The following DAB1 variants were observed in gnomAD, a reference collection of about 807,000 sequenced individuals.
DAB1 encodes the protein disabled homolog 1.
Under a neutral mutation model 64.6 loss-of-function variants are expected in DAB1, and 15 were observed. The observed-to-expected ratio is 0.23, with a 90% CI of 0.16 to 0.36. The LOEUF (loss-of-function observed/expected upper bound fraction) is 0.36, where lower values mean the gene tolerates loss of function less well. Among genes scored for constraint, DAB1 ranks in the 10% least tolerant of loss-of-function variants. The pLI is 1.00. For synonymous variants in DAB1, 235 were observed against 251.9 expected, an observed-to-expected ratio of 0.93 and a Z score of 0.64; for missense variants, 596 against 706.7, an observed-to-expected ratio of 0.84 and a Z score of 1.78.
At chr1:57,892,469 G>T (rs190850022) in intron 5 of DAB1, among the ~76,000 whole-genome samples, 1 of 152,292 alleles carries the variant, frequency 6.6e-6, no homozygotes. Context: ...ACAACCCCAT[G>T]ACATAGGTCA....
At chr1:57,156,591 G>A (rs945484380) in intron 2 of DAB1, among the ~76,000 whole-genome samples, 1 of 152,130 alleles carries the variant, frequency 6.6e-6, no homozygotes. Flanking sequence ...AGGCATCTAA[G>A]GGGTTATTAA....
In DAB1 at chr1:57,389,581, T is replaced by A. The variant is rs1646766; in HGVS notation, c.-137+34349A>T. ...CCTATTGGCCTTTATCCTATTATCCTAACATCCTTCTGGGTCCAACTCAAC... is the reference window on the plus strand; with the variant it reads ...CCTATTGGCCTTTATCCTATTATCCAAACATCCTTCTGGGTCCAACTCAAC... On this transcript the variant is annotated intron_variant, in intron 1 of 14. Coordinates refer to ENST00000371236, the MANE Select transcript of DAB1 (RefSeq NM_001365792.1). Among the ~76,000 whole-genome samples, 1,192 of 152,268 alleles carry A rather than the reference T, an allele frequency of 7.8e-3. 18 individuals are homozygous for A. The highest frequency in any genetic ancestry group is 0.026 in the African/African-American group (1,096 of 41,534).
chr1:57,732,210 G>A (rs1045683856), intron 6 of DAB1, among the ~76,000 whole-genome samples: 1 of 152,202 alleles, frequency 6.6e-6, no homozygotes, highest in Non-Finnish European at 1.5e-5. Context: ...TTAGTTTTTG[G>A]CCCTCCATGG....
In DAB1 at chr1:57,385,314, T is replaced by C. The variant is rs150904382; in HGVS notation, c.-137+38616A>G. Among the ~76,000 whole-genome samples the C allele has an allele frequency of 3.5e-3, 534 of 152,388 alleles. 1 individual carries two copies. The highest frequency in any genetic ancestry group is 0.01 in the African/African-American group (425 of 41,592). ...TTCTTGAATTTGTATTAGCTCCTTTTACTGCTTCAGAATCTCAGAGAACTT... is the reference window on the plus strand; with the variant it reads ...TTCTTGAATTTGTATTAGCTCCTTTCACTGCTTCAGAATCTCAGAGAACTT... On this transcript the variant is annotated intron_variant, in intron 1 of 14. Coordinates refer to ENST00000371236, the MANE Select transcript of DAB1 (RefSeq NM_001365792.1).
intron 14 of DAB1, among the ~76,000 whole-genome samples, chr1:57,004,312 G>T (rs180725610): frequency 6.6e-6 from 1 of 152,206 alleles, no homozygotes; most frequent in Non-Finnish European, 1.5e-5. Flanking sequence ...CCTAAATTGT[G>T]CTGATTACTT....
chr1:57,193,391 T>TTTTTG (rs1664329185), intron 2 of DAB1, among the ~76,000 whole-genome samples: 1 of 134,688 alleles, frequency 7.4e-6, no homozygotes, highest in Non-Finnish European at 1.6e-5. Context: ...GTTTTTTTTT[T>TTTTTG]TTTTTTTTTT....
At chr1:57,228,565 C>A (rs1247053763) in intron 2 of DAB1, among the ~76,000 whole-genome samples, 1 of 152,086 alleles carries the variant, frequency 6.6e-6, no homozygotes. Flanking sequence ...AAATGTGTGA[C>A]AATACTAAAT....
At chr1:58,236,626 A>C (rs1167193869) in intron 4 of DAB1, among the ~76,000 whole-genome samples, 5 of 152,238 alleles carry the variant, frequency 3.3e-5, no homozygotes, top group African/African-American at 1.2e-4. Context: ...TTTGTTATTC[A>C]TAATTCACTT....
At chr1:57,896,236 C>T (rs1644389671) in intron 5 of DAB1, among the ~76,000 whole-genome samples, 1 of 152,128 alleles carries the variant, frequency 6.6e-6, no homozygotes. Context: ...TGCAGTATCA[C>T]TATCGTGTAC....
intron 3 of DAB1, among the ~76,000 whole-genome samples, chr1:58,465,547 A>C (rs338250): frequency 0.87 from 132,772 of 152,216 alleles, 58,638 homozygotes; most frequent in African/African-American, 0.94. Context: ...GCCTCAGGGT[A>C]AGGAGCAGCT....
At chr1:57,036,642 T>A (rs1285201371) in intron 9 of DAB1, among the ~76,000 whole-genome samples, 2 of 152,202 alleles carry the variant, frequency 1.3e-5, no homozygotes, top group African/African-American at 4.8e-5. Flanking sequence ...TTCTTACAGA[T>A]TTTTTTCATA....
At chr1:58,379,524 CAA>C (rs1387104379) in intron 3 of DAB1, among the ~76,000 whole-genome samples, 3 of 152,280 alleles carry the variant, frequency 2.0e-5, no homozygotes, top group Admixed American at 2.0e-4. Flanking sequence ...AACAAAAATT[CAA>C]AGTTAACATT....
At chr1:58,372,706 A>T (rs1271592813) in intron 3 of DAB1, among the ~76,000 whole-genome samples, 1 of 152,162 alleles carries the variant, frequency 6.6e-6, no homozygotes, top group Admixed American at 6.6e-5. Context: ...GGGTGATTGC[A>T]TCATGAGGGT....
intron 5 of DAB1, among the ~76,000 whole-genome samples, chr1:57,924,619 T>C (rs1330737124): frequency 7.2e-6 from 1 of 139,102 alleles, no homozygotes; most frequent in African/African-American, 2.6e-5. Context: ...ACCACCACAC[T>C]TGGCTAATTT....
intron 5 of DAB1, among the ~76,000 whole-genome samples, chr1:58,014,138 G>C (rs1646706917): frequency 6.6e-6 from 1 of 152,134 alleles, no homozygotes; most frequent in African/African-American, 2.4e-5. Context: ...AGAGAAATTA[G>C]TAACTTGCTG....
intron 3 of DAB1, among the ~76,000 whole-genome samples, chr1:58,443,053 C>T (rs1225688798): frequency 6.6e-6 from 1 of 152,168 alleles, no homozygotes; most frequent in Non-Finnish European, 1.5e-5. Flanking sequence ...TTTGAAGTCA[C>T]TTCTAGATTT....
intron 5 of DAB1, among the ~76,000 whole-genome samples, chr1:58,039,648 A>T (rs1473252043): frequency 2.6e-5 from 4 of 151,812 alleles, no homozygotes; most frequent in Admixed American, 1.3e-4. Flanking sequence ...TTGACATCTG[A>T]GACTTTGGCC....
At chr1:57,456,603 A>G (rs1686601262) in intron 7 of DAB1, among the ~76,000 whole-genome samples, 1 of 152,128 alleles carries the variant, frequency 6.6e-6, no homozygotes, top group Non-Finnish European at 1.5e-5. Flanking sequence ...GCTTCTCTCA[A>G]TCCTCTCATA....
intron 1 of DAB1, among the ~76,000 whole-genome samples, chr1:57,318,341 A>G (rs1675397213): frequency 6.6e-6 from 1 of 152,160 alleles, no homozygotes; most frequent in African/African-American, 2.4e-5. Context: ...AGAAAAGGAG[A>G]AAAGTACTAA....
Sources: gnomAD v4.1 joint callset for allele counts (sites outside exome capture counted in the v4.1 genomes callset) on GRCh38, gnomAD v4.1.1 for gene constraint, MANE v1.5 for transcripts, NCBI Gene and HGNC (gene_info 2026-07-23, HGNC 2026-07-21) for gene names.